ASCC2: variants seen among roughly 807,000 people sequenced by gnomAD.
ASCC2 encodes the protein ASC-1 complex subunit P100.
In ASCC2, 42 loss-of-function variants were observed where a neutral mutation model predicts 93.5. The ratio of observed to expected loss-of-function variants is 0.45; its 90% CI spans 0.35 to 0.58. The LOEUF (loss-of-function observed/expected upper bound fraction) is 0.58, where lower values mean the gene tolerates loss of function less well. Among genes scored for constraint, ASCC2 ranks in the 20% least tolerant of loss-of-function variants. ASCC2 has a pLI of 0.00. For synonymous variants in ASCC2, 364 were observed against 384.2 expected, an observed-to-expected ratio of 0.95 and a Z score of 0.62; for missense variants, 859 against 977.6, an observed-to-expected ratio of 0.88 and a Z score of 1.62.
intron 2 of ASCC2, among the ~76,000 whole-genome samples, chr22:29,829,579 G>A (rs772265871): frequency 2.0e-5 from 3 of 151,894 alleles, no homozygotes; most frequent in Non-Finnish European, 2.9e-5. Context: ...AAATTAGCTG[G>A]TCCCAGCTAC....
At chr22:29,803,165 C>T (rs1481127121) in intron 13 of ASCC2, among the ~76,000 whole-genome samples, 2 of 151,048 alleles carry the variant, frequency 1.3e-5, no homozygotes, top group Admixed American at 6.6e-5. Flanking sequence ...ACAGGAGAAT[C>T]GCTTGATCCC....
chr22:29,789,468 G>A (rs961001344), intron 19 of ASCC2, among the ~76,000 whole-genome samples: 26 of 152,242 alleles, frequency 1.7e-4, no homozygotes, highest in African/African-American at 6.3e-4. Flanking sequence ...ACAGCCTACA[G>A]GAGACGGGGA....
intron 18 of ASCC2, among the ~76,000 whole-genome samples, chr22:29,791,637 C>T (rs577222982): frequency 3.3e-5 from 5 of 152,290 alleles, no homozygotes; most frequent in African/African-American, 1.2e-4. Context: ...GCCAAGATTG[C>T]ACCATTGCAC....
At chr22:29,813,062 G>A (rs1301629959) in intron 8 of ASCC2, among the ~76,000 whole-genome samples, 1 of 152,090 alleles carries the variant, frequency 6.6e-6, no homozygotes, top group Non-Finnish European at 1.5e-5. Context: ...TGTATTTTTA[G>A]TAGAGATGGG....
chr22:29,828,002 A>G (rs1076137), intron 2 of ASCC2, among the ~76,000 whole-genome samples: 87,017 of 109,998 alleles, frequency 0.79, 36,133 homozygotes, highest in African/African-American at 0.95. Context: ...TACTTTCCCT[A>G]CAATCCCACA....
In ASCC2 at chr22:29,788,960, C is replaced by A. The variant is rs2068486785; in HGVS notation, c.*53G>T. On this transcript the variant is annotated 3_prime_UTR_variant, in exon 20 of 20. Coordinates refer to ENST00000307790, the MANE Select transcript of ASCC2 (RefSeq NM_032204.5). ...GTGAGGAGGCCCCAGGCGATGGGAGCACGGCCTGGTGAGTCTGGTGCCGCT... is the reference window on the plus strand; with the variant it reads ...GTGAGGAGGCCCCAGGCGATGGGAGAACGGCCTGGTGAGTCTGGTGCCGCT... The A allele has an allele frequency of 1.2e-6, 2 of 1,609,456 alleles. No individual in the cohort carries two copies. Among genetic ancestry groups the A allele is most frequent in the African/African-American group, 2.7e-5 (2 of 74,920 alleles).
chr22:29,817,603 T>C (rs1161609240), intron 5 of ASCC2, among the ~76,000 whole-genome samples: 2 of 152,104 alleles, frequency 1.3e-5, no homozygotes, highest in Non-Finnish European at 2.9e-5. Context: ...CATACCATGT[T>C]CTCCAAAGCA....
In ASCC2 at chr22:29,813,423, G is replaced by A. The variant is rs748899180; in HGVS notation, c.833+7C>T. 13 of 1,579,682 alleles carry A rather than the reference G, an allele frequency of 8.2e-6. No homozygotes were observed. Among genetic ancestry groups the A allele is most frequent in the Middle Eastern group, 1.7e-4 (1 of 6,010 alleles). On this transcript the variant is annotated splice_region_variant and intron_variant, in intron 8 of 19. Coordinates refer to ENST00000307790, the MANE Select transcript of ASCC2 (RefSeq NM_032204.5). ...CTCTATTTCAACAGCCAGAACTACC[G>A]CCTTACCTGTAACAAAAGTCGTGCT...
rs76177778 is a variant in ASCC2 at position 29,836,222 on chromosome 22, G to T, written c.-18+1956C>A. Reference sequence around the variant, plus strand: ...TTACTGAAAACACAGGTCAGATAGGGGATGACAGAAGTGAAGAGAGAAGAG... The same window carrying T: ...TTACTGAAAACACAGGTCAGATAGGTGATGACAGAAGTGAAGAGAGAAGAG... On this transcript the variant is annotated intron_variant, in intron 1 of 19. Coordinates refer to ENST00000307790, the MANE Select transcript of ASCC2 (RefSeq NM_032204.5). Among the ~76,000 whole-genome samples the T allele has an allele frequency of 1.3e-4, 20 of 151,816 alleles. No individual in the cohort carries two copies. The East Asian group carries it at 2.0e-3, about 15-fold the overall frequency.
intron 8 of ASCC2, among the ~76,000 whole-genome samples, chr22:29,808,553 GC>G (rs1859761325): frequency 1.3e-5 from 2 of 152,160 alleles, no homozygotes; most frequent in Non-Finnish European, 2.9e-5. Context: ...AGGCACAGTG[GC>G]TCATGCCTGT....
chr22:29,832,927 G>A (rs536439239), intron 1 of ASCC2, among the ~76,000 whole-genome samples: 3 of 152,152 alleles, frequency 2.0e-5, no homozygotes, highest in Admixed American at 6.5e-5. Context: ...TTTTTGTAGA[G>A]ACAGGTTTTA....
At chr22:29,833,887 T>G (rs1355173290) in intron 1 of ASCC2, among the ~76,000 whole-genome samples, 1 of 151,404 alleles carries the variant, frequency 6.6e-6, no homozygotes, top group Non-Finnish European at 1.5e-5. Context: ...TTCTTTTTTT[T>G]TTTTTTTTAA....
At chr22:29,822,626 T>TG (rs1365039677) in intron 4 of ASCC2, among the ~76,000 whole-genome samples, 162 bp from the exon 5 acceptor site, 2 of 151,734 alleles carry the variant, frequency 1.3e-5, no homozygotes, top group East Asian at 3.9e-4. Context: ...CCCGCCCTTT[T>TG]TTTTTTTTTT....
chr22:29,800,867 G>T (rs577547353), intron 15 of ASCC2, 124 bp downstream of exon 15: 31 of 1,254,332 alleles, frequency 2.5e-5, no homozygotes, highest in Admixed American at 9.6e-5. Flanking sequence ...GTCTAGGGTT[G>T]TGAAGGGATC....
intron 5 of ASCC2, among the ~76,000 whole-genome samples, chr22:29,819,271 C>T (rs1174794414): frequency 6.6e-6 from 1 of 152,176 alleles, no homozygotes; most frequent in African/African-American, 2.4e-5. Flanking sequence ...AGCGATTCTC[C>T]TGCCTCAGCC....
At chr22:29,806,762 A>T (rs1349489809) in intron 10 of ASCC2, 35 bp downstream of exon 10, 10 of 1,552,148 alleles carry the variant, frequency 6.4e-6, no homozygotes, top group Non-Finnish European at 4.4e-6. Flanking sequence ...TGGGGAGGAG[A>T]CTCTTCCACC....
chr22:29,801,936 G>A, intron 14 of ASCC2, 58 bp downstream of exon 14: 2 of 1,475,550 alleles, frequency 1.4e-6, no homozygotes, highest in East Asian at 2.5e-5. Flanking sequence ...AGAGAGGAAG[G>A]GGCCCCACCC....
intron 4 of ASCC2, among the ~76,000 whole-genome samples, chr22:29,823,349 T>G: frequency 6.6e-6 from 1 of 152,268 alleles, no homozygotes; most frequent in South Asian, 2.1e-4. Flanking sequence ...CATTCTCCCT[T>G]TTAATGTAAA....
At chr22:29,795,505 C>T (rs768818018) in intron 15 of ASCC2, among the ~76,000 whole-genome samples, 4 of 152,158 alleles carry the variant, frequency 2.6e-5, no homozygotes, top group Non-Finnish European at 5.9e-5. Context: ...TCAAGGGAGC[C>T]ATAGGGATAT....
Sources: gnomAD v4.1 joint callset for allele counts (sites outside exome capture counted in the v4.1 genomes callset) on GRCh38, gnomAD v4.1.1 for gene constraint, MANE v1.5 for transcripts, NCBI Gene and HGNC (gene_info 2026-07-23, HGNC 2026-07-21) for gene names.